FSD1L: variants seen among roughly 807,000 people sequenced by gnomAD.
FSD1L encodes fibronectin type III and SPRY domain containing 1 like, also known as FSD1-like protein.
FSD1L carries 45 observed loss-of-function variants against 71.6 expected under a neutral mutation model. The observed-to-expected ratio is 0.63, with a 90% CI of 0.49 to 0.81. The LOEUF is 0.81. Ranked by LOEUF, FSD1L falls within the 30% of genes least tolerant of loss-of-function variation. The pLI is 0.00. For missense variants in FSD1L, 561 were observed against 618.1 expected, an observed-to-expected ratio of 0.91 and a Z score of 0.98; for synonymous variants, 197 against 207.2, an observed-to-expected ratio of 0.95 and a Z score of 0.42.
rs190434799 is a variant in FSD1L, at chr9:105,520,980, C to G, written c.1025+8044C>G. ...AAGGGGATTTTCATTTTTGTTTTCA[C>G]ATTTTAAGAAATATTACTTGCCTTA... On this transcript the variant is annotated intron_variant, in intron 10 of 13. Transcript: ENST00000481272. The G allele has an allele frequency of 1.6e-5, 25 of 1,611,852 alleles. No homozygotes were observed. The Admixed American group carries it at 2.7e-4, about 17-fold the overall frequency.
At chr9:105,489,926 C>CA (rs1408531106) in intron 7 of FSD1L, among the ~76,000 whole-genome samples, 4 of 152,118 alleles carry the variant, frequency 2.6e-5, no homozygotes, top group Non-Finnish European at 5.9e-5. Context: ...TGGGTTGGTT[C>CA]CAAGTCTTTG....
chr9:105,495,346 C>T (rs955045230), intron 7 of FSD1L, among the ~76,000 whole-genome samples: 11 of 152,134 alleles, frequency 7.2e-5, no homozygotes, highest in African/African-American at 1.4e-4. Context: ...TTTTAAAGCC[C>T]GTCGGAAAAG....
chr9:105,500,903 G>C (rs906145813), intron 7 of FSD1L: 3 of 152,130 alleles, frequency 2.0e-5, no homozygotes, highest in African/African-American at 7.2e-5. Flanking sequence ...ATATCAGAAA[G>C]GCTTTTCTAA....
At chr9:105,515,568 G>T (rs193069247) in intron 10 of FSD1L, among the ~76,000 whole-genome samples, 1 of 152,252 alleles carries the variant, frequency 6.6e-6, no homozygotes, top group Non-Finnish European at 1.5e-5. Context: ...TCTCACCCAG[G>T]AAGTGCAAGG....
At chr9:105,468,067 T>C in intron 3 of FSD1L, 126 bp from the exon 4 acceptor site, 2 of 636,258 alleles carry the variant, frequency 3.1e-6, no homozygotes, top group Non-Finnish European at 4.7e-6. Context: ...ATTAGAATTA[T>C]GTTATTTTTA....
At chr9:105,538,724 T>C (rs764833305) in intron 12 of FSD1L, among the ~76,000 whole-genome samples, 4 of 152,102 alleles carry the variant, frequency 2.6e-5, no homozygotes, top group African/African-American at 4.8e-5. Flanking sequence ...TTGCTTGAGC[T>C]CAGGAGTTCA....
intron 13 of FSD1L, among the ~76,000 whole-genome samples, chr9:105,545,745 G>T (rs1370764322): frequency 2.0e-5 from 3 of 152,080 alleles, no homozygotes; most frequent in Admixed American, 6.6e-5. Context: ...TGCGTATGTT[G>T]AACCAGCCTA....
At chr9:105,508,758 C>A in intron 9 of FSD1L, 43 bp downstream of exon 9, 1 of 1,160,002 alleles carries the variant, frequency 8.6e-7, no homozygotes, top group Non-Finnish European at 1.2e-6. Context: ...CAAAGCTTAA[C>A]ATCTGAAGTT....
intron 10 of FSD1L, chr9:105,524,910 G>A (rs1270407097): frequency 1.3e-5 from 21 of 1,611,266 alleles, no homozygotes; most frequent in Non-Finnish European, 1.7e-5. Flanking sequence ...TGAACTCTTT[G>A]AGAGTCCAAA....
chr9:105,524,601 C>T, intron 10 of FSD1L: 7 of 1,613,866 alleles, frequency 4.3e-6, no homozygotes, highest in Non-Finnish European at 1.7e-6. Flanking sequence ...AAGGTATTTT[C>T]CCATGAGCCT....
intron 1 of FSD1L, among the ~76,000 whole-genome samples, chr9:105,460,018 A>C (rs778480801): frequency 1.3e-5 from 2 of 152,214 alleles, no homozygotes; most frequent in Non-Finnish European, 2.9e-5. Context: ...CAAGAGCTGT[A>C]GAGTGCTCTC....
chr9:105,500,516 T>C (rs1009834634), intron 7 of FSD1L: 1 of 152,236 alleles, frequency 6.6e-6, no homozygotes, highest in Non-Finnish European at 1.5e-5. Flanking sequence ...TTAGTCTCTG[T>C]TAAAACCCCA....
chr9:105,492,196 G>C (rs549266382), intron 7 of FSD1L, among the ~76,000 whole-genome samples: 2 of 152,144 alleles, frequency 1.3e-5, no homozygotes, highest in Admixed American at 6.6e-5. Context: ...GGTCTATTCA[G>C]AGAATCAACT....
In FSD1L at chr9:105,533,779, A is replaced by G. The variant is rs576992947; in HGVS notation, c.1026-714A>G. Among the ~76,000 whole-genome samples, 26 of 150,022 alleles carry G rather than the reference A, an allele frequency of 1.7e-4. No homozygotes were observed. In the South Asian group the frequency reaches 2.1e-3, roughly 12 times the overall value. On this transcript the variant is annotated intron_variant, in intron 10 of 13. Transcript: ENST00000481272. ...CTCTTGTTGCCTAGGCTGGAGTGCA[A>G]TGGTGCAATCATGGCTCACCCGCAA...
chr9:105,473,745 T>C (rs1831619486), intron 5 of FSD1L, among the ~76,000 whole-genome samples: 1 of 152,314 alleles, frequency 6.6e-6, no homozygotes, highest in South Asian at 2.1e-4. Context: ...AAAACTATGA[T>C]AAAAGTTTAT....
chr9:105,493,433 A>G (rs1237652287), intron 7 of FSD1L, among the ~76,000 whole-genome samples: 12 of 151,816 alleles, frequency 7.9e-5, no homozygotes, highest in Middle Eastern at 3.2e-3. Context: ...CAGCACACTG[A>G]TGGGTCTTGA....
At chr9:105,519,922 C>T (rs1835012178) in intron 10 of FSD1L, among the ~76,000 whole-genome samples, 1 of 152,222 alleles carries the variant, frequency 6.6e-6, no homozygotes, top group Non-Finnish European at 1.5e-5. Context: ...GAGCTGGGGC[C>T]GAAGGTGCCT....
chr9:105,445,147 G>A (rs1411275128), upstream of FSD1L, among the ~76,000 whole-genome samples: 1 of 152,206 alleles, frequency 6.6e-6, no homozygotes, highest in Non-Finnish European at 1.5e-5. Flanking sequence ...AGCCCAGCTC[G>A]GTACGTGGCT....
At position 105,448,095 on chromosome 9, in the gene FSD1L, G is replaced by C; in HGVS notation, c.-126G>C. 1 of 1,095,664 alleles carries C rather than the reference G, an allele frequency of 9.1e-7. No individual in the cohort carries two copies. The highest frequency in any genetic ancestry group is 1.3e-6 in the Non-Finnish European group (1 of 745,284). The allele number at this position is 1,095,664 out of a possible 1,614,324, so 67.9% of individuals were successfully genotyped here. A position where few individuals can be genotyped will look rare whatever the true frequency, so the allele number is the denominator to read the frequency against. On this transcript the variant is annotated 5_prime_UTR_variant, in exon 1 of 14. Transcript: ENST00000481272. ...CGCGGTCTGGGCGCGGACGGGTGGGGCCGGGCGGTGCCGGTGCGGGCTGGG... is the reference window on the plus strand; with the variant it reads ...CGCGGTCTGGGCGCGGACGGGTGGGCCCGGGCGGTGCCGGTGCGGGCTGGG...
Sources: gnomAD v4.1 joint callset for allele counts (sites outside exome capture counted in the v4.1 genomes callset) on GRCh38, gnomAD v4.1.1 for gene constraint, MANE v1.5 for transcripts, NCBI Gene and HGNC (gene_info 2026-07-23, HGNC 2026-07-21) for gene names.